The following EPHB6 variants were observed in gnomAD, a reference collection of about 807,000 sequenced individuals.
EPHB6 encodes EPH receptor B6, also known as ephrin type-B receptor 6.
Under a neutral mutation model 107.0 loss-of-function variants are expected in EPHB6, and 51 were observed. The observed-to-expected ratio is 0.48, with a 90% CI of 0.38 to 0.60. The LOEUF (loss-of-function observed/expected upper bound fraction) is 0.60. Ranked by LOEUF, EPHB6 falls within the 20% of genes least tolerant of loss-of-function variation. The pLI, the probability that EPHB6 is intolerant of heterozygous loss-of-function variation, is 0.00. For missense variants in EPHB6, 1,141 were observed against 1,355.5 expected (o/e 0.84, Z 2.48); for synonymous variants, 553 against 549.0 (o/e 1.01, Z -0.10).
Position 142,868,926 on chromosome 7 carries a change from C to A in EPHB6, c.2287-48C>A, listed in dbSNP as rs771170894. 30 of 1,500,656 alleles carry A rather than the reference C, an allele frequency of 2.0e-5. No homozygotes were observed. The highest frequency in any genetic ancestry group is 6.9e-5 in the South Asian group (6 of 86,624). 93.0% of individuals were successfully genotyped at this position (1,500,656 alleles called of 1,614,324 possible). ...TCTGCTATGCAGTATGTTGAGGTCT[C>A]CCCCTGTCTCCGATCACTGACCTCT... On this transcript the variant is annotated intron_variant, in intron 15 of 19. Transcript: ENST00000652003. The surrounding 1 kb of genome is among the most constrained non-coding windows in gnomAD (Gnocchi z 4.2).
intron 1 of EPHB6, among the ~76,000 whole-genome samples, chr7:142,858,728 T>C (rs187316891): frequency 6.6e-6 from 1 of 152,168 alleles, no homozygotes; most frequent in Non-Finnish European, 1.5e-5. Flanking sequence ...TTCATTTTTA[T>C]AGCAACATAA....
chr7:142,868,303 G>T lies in EPHB6; in HGVS notation c.1981G>T (p.Glu661Ter), dbSNP rs765697114. The T allele has an allele frequency of 6.2e-7, 1 of 1,614,166 alleles. No homozygotes were observed. Among genetic ancestry groups the T allele is most frequent in the Non-Finnish European group, 8.5e-7 (1 of 1,180,016 alleles). ...TYEDPCQAIR[E>*]LAREVDPAYI... is the part of the protein sequence containing the mutation. ...CGAGGACCCCTGTCAGGCCATCCGA[G>T]AACTTGCCCGGGAAGTCGATCCTGC... is the stretch of plus-strand genomic sequence containing the variant. The change falls in exon 14 of 20, where the codon GAA becomes TAA. Residue 661 changes from glutamate (E) to a stop codon, truncating the protein, a stop_gained. Transcript: ENST00000652003. LOFTEE classifies it high-confidence loss of function. The surrounding 1 kb of genome is among the most constrained non-coding windows in gnomAD (Gnocchi z 4.2).
At chr7:142,860,279 T>A (rs2116390035) in intron 1 of EPHB6, among the ~76,000 whole-genome samples, 1 of 152,334 alleles carries the variant, frequency 6.6e-6, no homozygotes, top group Admixed American at 6.5e-5. Flanking sequence ...TTTTAAAGAA[T>A]AACTTCTAGG....
chr7:142,866,180 T>C lies in EPHB6; in HGVS notation c.1326T>C (p.Thr442=). ...TCGACCCTCGCCAGAGAGGCCTGAC[T>C]GAGAGCCGAGTGTTAGTGGGGGGAC... ...VHFDPRQRGL[T]ESRVLVGGLR... Residue 442 remains threonine, a synonymous_variant, in exon 9 of 20, where the codon ACT becomes ACC. Coordinates refer to ENST00000652003, the MANE Select transcript of EPHB6 (RefSeq NM_004445.6). This position sits in a 1 kb window ranked among gnomAD's most constrained non-coding sequence, Gnocchi z 5.2. The C allele has an allele frequency of 6.2e-7, 1 of 1,614,110 alleles. No individual in the cohort carries two copies. Among genetic ancestry groups the C allele is most frequent in the Middle Eastern group, 1.6e-4 (1 of 6,062 alleles).
chr7:142,858,116 A>C (rs1802685527), intron 1 of EPHB6, among the ~76,000 whole-genome samples: 1 of 152,196 alleles, frequency 6.6e-6, no homozygotes, highest in Non-Finnish European at 1.5e-5. Context: ...AGGTATGCTT[A>C]CTGTAACAAG....
At chr7:142,870,036 C>T (rs1334627949) in intron 17 of EPHB6, 70 bp downstream of exon 17, 86 of 1,608,366 alleles carry the variant, frequency 5.3e-5, no homozygotes, top group Non-Finnish European at 7.2e-5. Flanking sequence ...TCTAGGACCT[C>T]CATTCTCTAC....
intron 1 of EPHB6, among the ~76,000 whole-genome samples, chr7:142,858,423 C>CTTTTTTTTTTTTTTT (rs958011230): frequency 1.7e-5 from 1 of 57,580 alleles, no homozygotes; most frequent in African/African-American, 7.5e-5. Flanking sequence ...TTAAGTCATT[C>CTTTTTTTTTTTTTTT]TTTTTTTTTT....
rs967763884 is a variant in EPHB6 at position 142,869,626 on chromosome 7, G to A, written c.2461-191G>A. On this transcript the variant is annotated intron_variant, in intron 16 of 19. Coordinates refer to ENST00000652003, the MANE Select transcript of EPHB6 (RefSeq NM_004445.6). This position sits in a 1 kb window ranked among gnomAD's most constrained non-coding sequence, Gnocchi z 4.5. ...TAACATATCTGAGCACATAGTAGTT[G>A]CTCCATAAACGTGACTATTGCTTCT... is the stretch of plus-strand genomic sequence containing the variant. 4 of 689,180 alleles carry A rather than the reference G, an allele frequency of 5.8e-6. No individual in the cohort carries two copies. Among genetic ancestry groups the A allele is most frequent in the Non-Finnish European group, 7.6e-6 (3 of 394,830 alleles). The allele number at this position is 689,180 out of a possible 1,614,324, so 42.7% of individuals were successfully genotyped here. A position where few individuals can be genotyped will look rare whatever the true frequency, so the allele number is the denominator to read the frequency against.
rs1238158955 is a variant in EPHB6 at position 142,855,667 on chromosome 7, T to C, written c.-432+282T>C. On this transcript the variant is annotated intron_variant, in intron 1 of 19. Transcript: ENST00000652003. The surrounding 1 kb of genome is among the most constrained non-coding windows in gnomAD (Gnocchi z 4.2). ...AGTTGCGTTCCCAGACATTCTCCTCTGGCTCTGGCTTGGGAGTCCTAATCT... is the reference window on the plus strand; with the variant it reads ...AGTTGCGTTCCCAGACATTCTCCTCCGGCTCTGGCTTGGGAGTCCTAATCT... Among the ~76,000 whole-genome samples, 1 of 152,156 alleles carries C rather than the reference T, an allele frequency of 6.6e-6. No individual in the cohort carries two copies. Among genetic ancestry groups the C allele is most frequent in the African/African-American group, 2.4e-5 (1 of 41,432 alleles).
Position 142,868,724 on chromosome 7 carries a change from G to A in EPHB6, c.2271G>A (p.Leu757=). The change falls in exon 15 of 20, where the codon CTG becomes CTA. Residue 757 remains leucine (L), a synonymous_variant. Transcript: ENST00000652003. The surrounding 1 kb of genome is among the most constrained non-coding windows in gnomAD (Gnocchi z 4.2). The part of the protein sequence containing the change: ...VLTEFMELGP[L]DSFLRQREGQ... The stretch of plus-strand genomic sequence containing the variant: ...CGGAGTTCATGGAGCTTGGCCCCCT[G>A]GACAGCTTCCTCAGGGTCAGTCCAG... 6.2e-7 allele frequency: 1 copy of A among 1,613,922 alleles called. No homozygotes were observed. Among genetic ancestry groups the A allele is most frequent in the Non-Finnish European group, 8.5e-7 (1 of 1,180,020 alleles).
Position 142,864,013 on chromosome 7 carries a change from C to T in EPHB6, c.213C>T (p.Thr71=). The T allele has an allele frequency of 1.2e-6, 2 of 1,614,190 alleles. No homozygotes were observed. The highest frequency in any genetic ancestry group is 1.3e-5 in the African/African-American group (1 of 75,046). The change falls in exon 7 of 20, where the codon ACC becomes ACT. Residue 71 remains threonine, a synonymous_variant. Transcript: ENST00000652003. ...VLDDQRRLTR[T]FEACHVAGAP... Reference sequence around the variant, plus strand: ...ACGACCAGCGACGCCTGACTCGGACCTTTGAGGCATGTCATGTGGCAGGGG... The same window carrying T: ...ACGACCAGCGACGCCTGACTCGGACTTTTGAGGCATGTCATGTGGCAGGGG...
Position 142,868,574 on chromosome 7 carries a change from C to A in EPHB6, c.2121C>A (p.Ala707=). The A allele has an allele frequency of 1.9e-6, 3 of 1,613,408 alleles. No homozygotes were observed. The South Asian group carries it at 3.3e-5, about 18-fold the overall frequency. Residue 707 remains alanine (A), a synonymous_variant, in exon 15 of 20, where the codon GCC becomes GCA. Coordinates refer to ENST00000652003, the MANE Select transcript of EPHB6 (RefSeq NM_004445.6). The surrounding 1 kb of genome is among the most constrained non-coding windows in gnomAD (Gnocchi z 4.2). ...CTGTGGCCATCCAGGCCCTGTGGGCCGGGGGCGCCGAAAGCCTGCAGATGA... is the reference window on the plus strand; with the variant it reads ...CTGTGGCCATCCAGGCCCTGTGGGCAGGGGGCGCCGAAAGCCTGCAGATGA... ...EQTVAIQALW[A]GGAESLQMTF... is the part of the protein sequence containing the mutation.
chr7:142,865,388 G>A (rs1803093925), intron 7 of EPHB6, 87 bp from the exon 8 acceptor site: 1 of 1,561,124 alleles, frequency 6.4e-7, no homozygotes, highest in African/African-American at 1.4e-5. Flanking sequence ...AGAGAAGGCT[G>A]CGAGGATACC....
At position 142,868,891 on chromosome 7, in the gene EPHB6, C is replaced by T; in HGVS notation, c.2287-83C>T. On this transcript the variant is annotated intron_variant, in intron 15 of 19. Transcript: ENST00000652003. The surrounding 1 kb of genome is among the most constrained non-coding windows in gnomAD (Gnocchi z 4.2). ...TTCTGATTCGACACCCTCCCGCTCT[C>T]ATGCTGTTGTCTGCTATGCAGTATG... 9.5e-6 allele frequency: 15 copies of T among 1,586,408 alleles called. No individual in the cohort carries two copies. The South Asian group carries it at 1.7e-4, about 18-fold the overall frequency.
Position 142,866,647 on chromosome 7 carries a change from A to G in EPHB6, c.1587+42A>G. ...GGGGTTCCGCAGTAGGGCTGGTAGG[A>G]GCTCATAGGCCTCACAGTGGGGCCC... On this transcript the variant is annotated intron_variant, in intron 10 of 19. Coordinates refer to ENST00000652003, the MANE Select transcript of EPHB6 (RefSeq NM_004445.6). The surrounding 1 kb of genome is among the most constrained non-coding windows in gnomAD (Gnocchi z 5.2). 4 of 1,613,310 alleles carry G rather than the reference A, an allele frequency of 2.5e-6. No homozygotes were observed. Among genetic ancestry groups the G allele is most frequent in the Non-Finnish European group, 3.4e-6 (4 of 1,179,954 alleles).
chr7:142,858,242 C>T (rs1408125279), intron 1 of EPHB6, among the ~76,000 whole-genome samples: 1 of 152,078 alleles, frequency 6.6e-6, no homozygotes, highest in Non-Finnish European at 1.5e-5. Context: ...CTACCTTCCT[C>T]CAAGCTTATT....
Position 142,870,210 on chromosome 7 carries a change from C to T in EPHB6, c.2611-4C>T. 1 of 1,614,100 alleles carries T rather than the reference C, an allele frequency of 6.2e-7. No individual in the cohort carries two copies. The highest frequency in any genetic ancestry group is 8.5e-7 in the Non-Finnish European group (1 of 1,179,990). On this transcript the variant is annotated splice_polypyrimidine_tract_variant and splice_region_variant and intron_variant, in intron 17 of 19. Coordinates refer to ENST00000652003, the MANE Select transcript of EPHB6 (RefSeq NM_004445.6). Reference sequence around the variant, plus strand: ...CATCGTCATAGTCTTCCTCTGACCCCCAGGTACTAAATGCAATAGAGCAGG... The same window carrying T: ...CATCGTCATAGTCTTCCTCTGACCCTCAGGTACTAAATGCAATAGAGCAGG...
rs1326901930 is a variant in EPHB6, at chr7:142,864,559, G to T, written c.759G>T (p.Gly253=). Residue 253 remains glycine (G), a synonymous_variant, in exon 7 of 20, where the codon GGG becomes GGT. Coordinates refer to ENST00000652003, the MANE Select transcript of EPHB6 (RefSeq NM_004445.6). ...FPETQASGAG[G]ASLVAAVGTC... ...AGACGCAGGCCAGTGGGGCTGGGGGGGCCTCCCTGGTGGCAGCTGTGGGCA... is the reference window on the plus strand; with the variant it reads ...AGACGCAGGCCAGTGGGGCTGGGGGTGCCTCCCTGGTGGCAGCTGTGGGCA... 5 of 1,613,204 alleles carry T rather than the reference G, an allele frequency of 3.1e-6. No individual in the cohort carries two copies. The highest frequency in any genetic ancestry group is 3.3e-4 in the Middle Eastern group (2 of 6,062).
At chr7:142,862,926 A>G in intron 4 of EPHB6, 93 bp downstream of exon 4, 1 of 415,370 alleles carries the variant, frequency 2.4e-6, no homozygotes, top group East Asian at 3.8e-5. Flanking sequence ...GGGAGTAGGC[A>G]CGAACACTCC....
Sources: gnomAD v4.1 joint callset for allele counts (sites outside exome capture counted in the v4.1 genomes callset) on GRCh38, gnomAD v4.1.1 for gene constraint, Gnocchi (gnomAD v3.1) non-coding constraint, MANE v1.5 for transcripts, NCBI Gene and HGNC (gene_info 2026-07-23, HGNC 2026-07-21) for gene names.